GRIK2: variants seen among roughly 807,000 people sequenced by gnomAD.
The protein encoded by GRIK2 is glutamate receptor ionotropic, kainate 2.
A neutral mutation model predicts 100.3 loss-of-function variants in GRIK2; 32 were observed. The observed-to-expected ratio is 0.32, with a 90% CI of 0.24 to 0.43. The LOEUF is 0.43. Among genes scored for constraint, GRIK2 ranks in the 20% least tolerant of loss-of-function variants. The pLI, the probability that GRIK2 is intolerant of heterozygous loss-of-function variation, is 1.00. For missense variants in GRIK2, 843 were observed against 1,114.9 expected (o/e 0.76, Z 3.47); for synonymous variants, 417 against 389.4 (o/e 1.07, Z -0.83).
intron 5 of GRIK2, among the ~76,000 whole-genome samples, chr6:101,677,792 C>T (rs1262618536): frequency 2.0e-5 from 3 of 152,040 alleles, no homozygotes; most frequent in African/African-American, 7.2e-5. Flanking sequence ...CAAATTATAT[C>T]CCGTTAAATA....
intron 15 of GRIK2, among the ~76,000 whole-genome samples, chr6:102,050,274 G>T (rs756680734): frequency 4.6e-5 from 7 of 151,910 alleles, no homozygotes; most frequent in Admixed American, 1.3e-4. Context: ...AAGGAAAAAA[G>T]GGGGAAGGGA....
At chr6:101,802,826 A>G (rs1252629276) in intron 9 of GRIK2, among the ~76,000 whole-genome samples, 2 of 151,830 alleles carry the variant, frequency 1.3e-5, no homozygotes, top group African/African-American at 2.4e-5. Flanking sequence ...AAGAAATTAA[A>G]TATAAAAGTA....
chr6:101,731,648 A>G (rs536272549), intron 7 of GRIK2, among the ~76,000 whole-genome samples: 2 of 152,156 alleles, frequency 1.3e-5, no homozygotes, highest in South Asian at 4.2e-4. Flanking sequence ...TAAATGTTTT[A>G]TTTAACTCAC....
intron 2 of GRIK2, among the ~76,000 whole-genome samples, chr6:101,480,054 T>C (rs1260608140): frequency 1.3e-5 from 2 of 152,138 alleles, no homozygotes; most frequent in Non-Finnish European, 2.9e-5. Flanking sequence ...GGTAGTCCAA[T>C]TCCTTCCCTA....
chr6:101,703,719 A>C (rs2128354202), intron 7 of GRIK2, among the ~76,000 whole-genome samples: 1 of 151,874 alleles, frequency 6.6e-6, no homozygotes. Flanking sequence ...CCAGTAGAGA[A>C]GGAAAAAATA....
rs550330047 is a variant in GRIK2, at chr6:101,740,126, C to T, written c.951+53773C>T. On this transcript the variant is annotated intron_variant, in intron 7 of 16. Transcript: ENST00000369134. ...TCAAAGTTAAGTTGGAGTCTAAATT[C>T]CCAGCAGCTTTTTGGCAGATCCAAC... 5.3e-5 allele frequency among the ~76,000 whole-genome samples: 8 copies of T among 152,266 alleles called. No homozygotes were observed. The South Asian group carries it at 1.7e-3, about 32-fold the overall frequency.
intron 14 of GRIK2, among the ~76,000 whole-genome samples, chr6:101,947,210 T>TGAA (rs1054036934): frequency 6.6e-6 from 1 of 152,132 alleles, no homozygotes; most frequent in African/African-American, 2.4e-5. Flanking sequence ...TTAGAGACAT[T>TGAA]GAAGTAATTT....
chr6:101,806,625 G>GTTT (rs1318078971), intron 9 of GRIK2, among the ~76,000 whole-genome samples: 1 of 137,678 alleles, frequency 7.3e-6, no homozygotes, highest in South Asian at 2.5e-4. Flanking sequence ...ACCTACAGAG[G>GTTT]GTTTTTTTTT....
intron 2 of GRIK2, among the ~76,000 whole-genome samples, chr6:101,543,619 C>T (rs902385072): frequency 3.3e-5 from 5 of 152,134 alleles, no homozygotes; most frequent in Non-Finnish European, 5.9e-5. Context: ...CCTGGCCTCC[C>T]GAGCCTGTGT....
chr6:101,634,886 A>G (rs989092630), intron 4 of GRIK2, among the ~76,000 whole-genome samples: 1 of 152,040 alleles, frequency 6.6e-6, no homozygotes, highest in Non-Finnish European at 1.5e-5. Context: ...ATACTTATAG[A>G]TTGCTTTAGA....
At chr6:101,688,851 C>T (rs1771893905) in intron 7 of GRIK2, among the ~76,000 whole-genome samples, 1 of 151,858 alleles carries the variant, frequency 6.6e-6, no homozygotes, top group Non-Finnish European at 1.5e-5. Context: ...TTTGTTTTTA[C>T]AATTTCCCTT....
intron 4 of GRIK2, among the ~76,000 whole-genome samples, chr6:101,653,777 G>T (rs999062265): frequency 6.6e-6 from 1 of 151,774 alleles, no homozygotes; most frequent in African/African-American, 2.4e-5. Flanking sequence ...CTGCCACCAC[G>T]CCTGGCTAAA....
intron 2 of GRIK2, among the ~76,000 whole-genome samples, chr6:101,486,301 G>T (rs1229019422): frequency 6.7e-6 from 1 of 149,886 alleles, no homozygotes; most frequent in Non-Finnish European, 1.5e-5. Context: ...GAGCATTTGT[G>T]AGGCCAGCTT....
chr6:101,972,727 G>A (rs933639492), intron 14 of GRIK2, among the ~76,000 whole-genome samples: 2 of 151,816 alleles, frequency 1.3e-5, no homozygotes, highest in African/African-American at 2.4e-5. Flanking sequence ...TTTATATATG[G>A]TGAAAGGTAG....
intron 7 of GRIK2, among the ~76,000 whole-genome samples, chr6:101,771,090 G>A (rs1778371170): frequency 1.3e-5 from 2 of 151,924 alleles, no homozygotes; most frequent in African/African-American, 4.8e-5. Flanking sequence ...AACTTATATG[G>A]AGATAAAAGT....
intron 2 of GRIK2, among the ~76,000 whole-genome samples, chr6:101,533,155 T>G (rs1775524616): frequency 6.6e-6 from 1 of 151,912 alleles, no homozygotes; most frequent in African/African-American, 2.4e-5. Context: ...TGAGGCCAGT[T>G]TATAGAGGTT....
intron 7 of GRIK2, among the ~76,000 whole-genome samples, chr6:101,709,063 AAAT>A (rs1300492219): frequency 6.6e-6 from 1 of 151,868 alleles, no homozygotes; most frequent in Non-Finnish European, 1.5e-5. Context: ...GATAATTTAA[AAAT>A]AATTTTTAAA....
chr6:101,539,154 A>G (rs1421845434), intron 2 of GRIK2, among the ~76,000 whole-genome samples: 1 of 151,768 alleles, frequency 6.6e-6, no homozygotes, highest in African/African-American at 2.4e-5. Context: ...ACAGACTCTT[A>G]AAATAAAAAT....
intron 10 of GRIK2, among the ~76,000 whole-genome samples, chr6:101,839,007 G>A (rs1783329184): frequency 6.6e-6 from 1 of 151,428 alleles, no homozygotes; most frequent in South Asian, 2.1e-4. Flanking sequence ...TTAATTGAAT[G>A]AGGCTCTTTT....
Sources: allele counts gnomAD v4.1 joint callset (sites outside exome capture counted in the v4.1 genomes callset), GRCh38; gene constraint gnomAD v4.1.1; transcripts MANE v1.5; gene names NCBI Gene and HGNC (gene_info 2026-07-23, HGNC 2026-07-21).